Variants in SMYD3 observed in about 807,000 individuals in gnomAD.
The protein encoded by SMYD3 is histone-lysine N-methyltransferase SMYD3.
A neutral mutation model predicts 57.7 loss-of-function variants in SMYD3; 36 were observed. The ratio of observed to expected loss-of-function variants is 0.62; its 90% CI spans 0.48 to 0.82. The LOEUF is 0.82. SMYD3 is among the 40% of genes least tolerant of loss of function. The pLI is 0.00. For synonymous variants in SMYD3, 211 were observed against 195.0 expected (o/e 1.08, Z -0.68); for missense variants, 515 against 538.8 (o/e 0.96, Z 0.44).
chr1:246,020,976 A>G (rs1474787571), intron 5 of SMYD3, among the ~76,000 whole-genome samples: 1 of 152,238 alleles, frequency 6.6e-6, no homozygotes, highest in East Asian at 1.9e-4. Context: ...CTCCCAGAAC[A>G]AACGTGTATA....
chr1:245,752,240 A>G (rs1013382650), intron 11 of SMYD3, among the ~76,000 whole-genome samples: 13 of 152,222 alleles, frequency 8.5e-5, no homozygotes, highest in African/African-American at 3.1e-4. Flanking sequence ...CACTGCCTGG[A>G]AAGATCTTTG....
chr1:246,015,136 A>G (rs557981808), intron 5 of SMYD3, among the ~76,000 whole-genome samples: 1 of 152,166 alleles, frequency 6.6e-6, no homozygotes, highest in South Asian at 2.1e-4. Context: ...CCTTTCCCCT[A>G]AGAAGAAGGG....
Position 245,749,670 on chromosome 1 carries a change from G to C in SMYD3, c.1186-6C>G. Reference sequence around the variant, plus strand: ...ACTCTCATAATATCAAAAGCCTAAAGAGAAAGGACGGAAGAGAGATTAGAC... The same window carrying C: ...ACTCTCATAATATCAAAAGCCTAAACAGAAAGGACGGAAGAGAGATTAGAC... On this transcript the variant is annotated splice_region_variant and splice_polypyrimidine_tract_variant and intron_variant, in intron 11 of 11. Transcript: ENST00000490107. 6.2e-7 allele frequency: 1 copy of C among 1,611,724 alleles called. No individual in the cohort carries two copies. The highest frequency in any genetic ancestry group is 8.5e-7 in the Non-Finnish European group (1 of 1,177,884).
At chr1:245,838,749 T>C (rs567851636) in intron 10 of SMYD3, among the ~76,000 whole-genome samples, 1 of 152,322 alleles carries the variant, frequency 6.6e-6, no homozygotes, top group South Asian at 2.1e-4. Flanking sequence ...GGTACGTATA[T>C]AAATGTACAT....
At chr1:245,973,970 C>T (rs1306778734) in intron 5 of SMYD3, among the ~76,000 whole-genome samples, 1 of 151,710 alleles carries the variant, frequency 6.6e-6, no homozygotes, top group Admixed American at 6.5e-5. Context: ...TAGACTTTTG[C>T]ATTTTAACAA....
chr1:246,201,688 C>T (rs1306246136), intron 5 of SMYD3, among the ~76,000 whole-genome samples: 1 of 152,186 alleles, frequency 6.6e-6, no homozygotes, highest in Non-Finnish European at 1.5e-5. Context: ...CGGTTCACAT[C>T]AATCACCTAC....
At chr1:246,080,792 G>A (rs903237823) in intron 5 of SMYD3, among the ~76,000 whole-genome samples, 11 of 152,076 alleles carry the variant, frequency 7.2e-5, no homozygotes, top group Admixed American at 1.3e-4. Flanking sequence ...TCTAGAATGC[G>A]AACTCTATAA....
rs552777197 is a variant in SMYD3 at position 246,150,837 on chromosome 1, G to A, written c.531+176364C>T. On this transcript the variant is annotated intron_variant, in intron 5 of 11. Transcript: ENST00000490107. ...ACTTCCCCTCCAGAGCCCTGCCAAA[G>A]AGCCAAGAAGTCTTAAACATCATGC... Among the ~76,000 whole-genome samples, 244 of 152,290 alleles carry A rather than the reference G, an allele frequency of 1.6e-3. 1 individual carries two copies. The highest frequency in any genetic ancestry group is 5.3e-3 in the African/African-American group (222 of 41,556).
chr1:246,239,202 C>G (rs1399854165), intron 5 of SMYD3, among the ~76,000 whole-genome samples: 2 of 152,156 alleles, frequency 1.3e-5, no homozygotes, highest in Non-Finnish European at 2.9e-5. Flanking sequence ...CACCCATTAA[C>G]TCATCATTTA....
intron 5 of SMYD3, among the ~76,000 whole-genome samples, chr1:246,233,373 C>T (rs2063452700): frequency 8.2e-6 from 1 of 121,472 alleles, no homozygotes; most frequent in South Asian, 3.6e-4. Context: ...TGAACATATA[C>T]CACACAGAGG....
At chr1:246,213,811 C>T (rs544322817) in intron 5 of SMYD3, among the ~76,000 whole-genome samples, 1 of 152,246 alleles carries the variant, frequency 6.6e-6, no homozygotes, top group Admixed American at 6.5e-5. Flanking sequence ...CTATAAAGAA[C>T]GAACTTAGTG....
At chr1:246,430,739 T>G (rs2067285344) in intron 1 of SMYD3, among the ~76,000 whole-genome samples, 1 of 152,092 alleles carries the variant, frequency 6.6e-6, no homozygotes, top group Non-Finnish European at 1.5e-5. Context: ...AGATGATAAC[T>G]GAAGTTATGA....
intron 8 of SMYD3, among the ~76,000 whole-genome samples, chr1:245,865,028 G>A (rs118160938): frequency 9.9e-5 from 15 of 152,176 alleles, no homozygotes; most frequent in South Asian, 2.1e-4. Context: ...GCCAGTGTAC[G>A]TCTGGCATCT....
chr1:246,143,166 A>ACACAC (rs1558264836), intron 5 of SMYD3, among the ~76,000 whole-genome samples: 4 of 106,072 alleles, frequency 3.8e-5, no homozygotes, highest in African/African-American at 1.6e-4. Flanking sequence ...CACACACACA[A>ACACAC]ACATGCATCC....
At chr1:245,943,406 T>C (rs1179760942) in intron 5 of SMYD3, among the ~76,000 whole-genome samples, 2 of 152,096 alleles carry the variant, frequency 1.3e-5, no homozygotes, top group Non-Finnish European at 2.9e-5. Flanking sequence ...GATAAATTCC[T>C]GGACACATAC....
intron 5 of SMYD3, among the ~76,000 whole-genome samples, chr1:246,165,029 G>A (rs2062182700): frequency 6.6e-6 from 1 of 152,210 alleles, no homozygotes; most frequent in African/African-American, 2.4e-5. Flanking sequence ...CCACCGACTG[G>A]GAAGACAGTA....
At chr1:246,037,297 C>G (rs2059793687) in intron 5 of SMYD3, among the ~76,000 whole-genome samples, 1 of 152,154 alleles carries the variant, frequency 6.6e-6, no homozygotes, top group Admixed American at 6.5e-5. Flanking sequence ...TAACATTCTG[C>G]TGTTTGCCAA....
chr1:246,449,582 T>C (rs954525908), intron 1 of SMYD3, among the ~76,000 whole-genome samples: 2 of 152,184 alleles, frequency 1.3e-5, no homozygotes, highest in South Asian at 2.1e-4. Context: ...GTGAGACCTG[T>C]GTTTGGAAAT....
chr1:245,942,377 C>T (rs2057280747), intron 5 of SMYD3, among the ~76,000 whole-genome samples: 1 of 152,152 alleles, frequency 6.6e-6, no homozygotes, highest in African/African-American at 2.4e-5. Context: ...TCAAAAAAGA[C>T]AAAGAAGGGC....
Sources: gnomAD v4.1 joint callset for allele counts (sites outside exome capture counted in the v4.1 genomes callset) on GRCh38, gnomAD v4.1.1 for gene constraint, MANE v1.5 for transcripts, NCBI Gene and HGNC (gene_info 2026-07-23, HGNC 2026-07-21) for gene names.